Variants in UBE2J2 observed in about 807,000 individuals in gnomAD.
UBE2J2 encodes the protein ubiquitin conjugating enzyme E2 J2.
Under a neutral mutation model 28.6 loss-of-function variants are expected in UBE2J2, and 5 were observed. The observed-to-expected ratio is 0.17, with a 90% CI of 0.09 to 0.37. The LOEUF (loss-of-function observed/expected upper bound fraction) is 0.37, where lower values mean the gene tolerates loss of function less well. Ranked by LOEUF, UBE2J2 falls within the 10% of genes least tolerant of loss-of-function variation. The pLI, the probability that UBE2J2 is intolerant of heterozygous loss-of-function variation, is 1.00. For synonymous variants in UBE2J2, 138 were observed against 139.7 expected, an observed-to-expected ratio of 0.99 and a Z score of 0.09; for missense variants, 226 against 338.9, an observed-to-expected ratio of 0.67 and a Z score of 2.62.
At chr1:1,270,123 C>T (rs1408187942) in intron 1 of UBE2J2, among the ~76,000 whole-genome samples, 3 of 152,134 alleles carry the variant, frequency 2.0e-5, no homozygotes, top group Non-Finnish European at 4.4e-5. Context: ...CTTCCCCTTC[C>T]GCCATGATTG....
chr1:1,269,531 G>A (rs1017694509), intron 1 of UBE2J2, among the ~76,000 whole-genome samples: 4 of 150,544 alleles, frequency 2.7e-5, no homozygotes, highest in South Asian at 2.1e-4. Context: ...TGTGATCTCC[G>A]CTCACTGCAA....
chr1:1,263,044 T>C (rs544810046), intron 3 of UBE2J2: 9 of 343,036 alleles, frequency 2.6e-5, no homozygotes, highest in Admixed American at 2.4e-4. Context: ...TCTTAAGAAA[T>C]AGTAGAACAG....
chr1:1,260,338 T>C (rs1186585644), intron 3 of UBE2J2, among the ~76,000 whole-genome samples: 1 of 152,246 alleles, frequency 6.6e-6, no homozygotes, highest in Non-Finnish European at 1.5e-5. Flanking sequence ...GCTGGAACGA[T>C]GTTTAGCTCG....
rs1390092033 is a variant in UBE2J2, at chr1:1,254,954, G to A, written c.*249C>T. On this transcript the variant is annotated 3_prime_UTR_variant, in exon 7 of 7. Coordinates refer to ENST00000349431, the MANE Select transcript of UBE2J2 (RefSeq NM_058167.3). Reference sequence around the variant, plus strand: ...GGTCCAAAGACAACACGGAAGATAAGCTACAAATCCAGCACACAAGGCCCA... The same window carrying A: ...GGTCCAAAGACAACACGGAAGATAAACTACAAATCCAGCACACAAGGCCCA... 2.3e-6 allele frequency: 1 copy of A among 434,678 alleles called. No individual in the cohort carries two copies. The highest frequency in any genetic ancestry group is 4.1e-6 in the Non-Finnish European group (1 of 245,688). The allele number at this position is 434,678 out of a possible 1,614,324, so 26.9% of individuals were successfully genotyped here.
intron 3 of UBE2J2, among the ~76,000 whole-genome samples, chr1:1,261,891 CTT>C (rs111706623): frequency 0.062 from 9,394 of 151,044 alleles, 784 homozygotes; most frequent in African/African-American, 0.19. Flanking sequence ...GAGTTTCACT[CTT>C]GTCACCCAGG....
At chr1:1,256,208 G>C in intron 5 of UBE2J2, 83 bp from the exon 6 acceptor site, 1 of 1,027,216 alleles carries the variant, frequency 9.7e-7, no homozygotes, top group Non-Finnish European at 1.5e-6. Context: ...TCAAAGTCAA[G>C]GGCTGCAGTC....
rs1472303759 is a variant in UBE2J2, at chr1:1,268,544, T to G, written c.1-552A>C. On this transcript the variant is annotated intron_variant, in intron 1 of 6. Coordinates refer to ENST00000349431, the MANE Select transcript of UBE2J2 (RefSeq NM_058167.3). This position sits in a 1 kb window ranked among gnomAD's most constrained non-coding sequence, Gnocchi z 4.7. ...CTGGAGGGACGAGGACTCTGGAGAC[T>G]CCAAGGCACTCACTGGGCAGAGCAG... Among the ~76,000 whole-genome samples, 4 of 151,994 alleles carry G rather than the reference T, an allele frequency of 2.6e-5. No homozygotes were observed. The highest frequency in any genetic ancestry group is 7.3e-5 in the African/African-American group (3 of 41,358).
intron 2 of UBE2J2, among the ~76,000 whole-genome samples, chr1:1,264,222 C>T (rs1639720585): frequency 1.3e-5 from 2 of 152,314 alleles, no homozygotes; most frequent in South Asian, 4.1e-4. Flanking sequence ...ACAGTCCCCA[C>T]ACAGAGCTCA....
At chr1:1,263,474 C>G in intron 2 of UBE2J2, 88 bp from the exon 3 acceptor site, 1 of 1,190,514 alleles carries the variant, frequency 8.4e-7, no homozygotes, top group Non-Finnish European at 1.3e-6. Context: ...TTATAGAACC[C>G]AGCCAAAATT....
chr1:1,259,948 G>GT (rs888025531), intron 3 of UBE2J2, among the ~76,000 whole-genome samples: 3 of 152,194 alleles, frequency 2.0e-5, no homozygotes, highest in African/African-American at 7.2e-5. Flanking sequence ...CCTCCCGCAC[G>GT]TGTTTCCCTC....
chr1:1,259,408 G>T (rs1230705904), intron 3 of UBE2J2, among the ~76,000 whole-genome samples: 1 of 152,210 alleles, frequency 6.6e-6, no homozygotes, highest in African/African-American at 2.4e-5. Context: ...GAGGAGCACT[G>T]GCCTCTGTCC....
Position 1,254,883 on chromosome 1 carries a change from C to T in UBE2J2, c.*320G>A, listed in dbSNP as rs757993616. ...CGCGGTCGGCAGCAAGTTTGCATTT[C>T]TAAGTGACCACATCTAATAAAATGA... is the stretch of plus-strand genomic sequence containing the variant. On this transcript the variant is annotated 3_prime_UTR_variant, in exon 7 of 7. Transcript: ENST00000349431. 3 of 245,966 alleles carry T rather than the reference C, an allele frequency of 1.2e-5. No homozygotes were observed. The highest frequency in any genetic ancestry group is 2.3e-5 in the Non-Finnish European group (3 of 129,136). The allele number at this position is 245,966 out of a possible 1,614,324, so 15.2% of individuals were successfully genotyped here.
At chr1:1,263,047 T>C (rs1365100836) in intron 3 of UBE2J2, 1 of 348,688 alleles carries the variant, frequency 2.9e-6, no homozygotes, top group Non-Finnish European at 5.4e-6. Context: ...TAAGAAATAG[T>C]AGAACAGGCC....
intron 2 of UBE2J2, among the ~76,000 whole-genome samples, chr1:1,265,603 T>TTGTGTGTG (rs57125925): frequency 0.066 from 7,964 of 120,824 alleles, 318 homozygotes; most frequent in East Asian, 0.1. Context: ...TTTCTCTCCA[T>TTGTGTGTG]TGTGTGTGTG....
intron 2 of UBE2J2, 54 bp downstream of exon 2, chr1:1,267,808 G>C: frequency 6.3e-7 from 1 of 1,598,892 alleles, no homozygotes; most frequent in Non-Finnish European, 8.6e-7. Flanking sequence ...GGCCGGCAGA[G>C]GCCTGCGTGG....
At chr1:1,255,692 A>T (rs1639133848) in intron 6 of UBE2J2, among the ~76,000 whole-genome samples, 1 of 152,210 alleles carries the variant, frequency 6.6e-6, no homozygotes, top group African/African-American at 2.4e-5. Context: ...CAGGCAGACC[A>T]GAGCAAGGCT....
chr1:1,260,863 CTG>C (rs927112621), intron 3 of UBE2J2, among the ~76,000 whole-genome samples: 2 of 152,228 alleles, frequency 1.3e-5, no homozygotes, highest in Non-Finnish European at 2.9e-5. Context: ...GTATAAAAAA[CTG>C]AGATTTTGTT....
chr1:1,258,859 C>T (rs1209848775), intron 3 of UBE2J2, among the ~76,000 whole-genome samples: 3 of 152,256 alleles, frequency 2.0e-5, no homozygotes, highest in Admixed American at 6.5e-5. Flanking sequence ...CGCCCCAGCC[C>T]GAGGCCCACA....
chr1:1,257,599 C>A (rs974261724), intron 3 of UBE2J2, among the ~76,000 whole-genome samples: 20 of 150,878 alleles, frequency 1.3e-4, no homozygotes, highest in Non-Finnish European at 3.0e-5. Flanking sequence ...TCGAGACAAC[C>A]ACAGCTACTG....
Sources: gnomAD v4.1 joint callset for allele counts (sites outside exome capture counted in the v4.1 genomes callset) on GRCh38, gnomAD v4.1.1 for gene constraint, Gnocchi (gnomAD v3.1) non-coding constraint, MANE v1.5 for transcripts, NCBI Gene and HGNC (gene_info 2026-07-23, HGNC 2026-07-21) for gene names.